Variants in OCA2 observed in about 807,000 individuals in gnomAD.
OCA2 encodes the protein OCA2 melanosomal transmembrane protein.
In OCA2, 77 loss-of-function variants were observed where a neutral mutation model predicts 100.2. The ratio of observed to expected loss-of-function variants is 0.77; its 90% CI spans 0.64 to 0.93. The LOEUF (loss-of-function observed/expected upper bound fraction) is 0.93, where lower values mean the gene tolerates loss of function less well. OCA2 is among the 40% of genes least tolerant of loss of function. The pLI, the probability that OCA2 is intolerant of heterozygous loss-of-function variation, is 0.00. For missense variants in OCA2, 1,062 were observed against 1,089.1 expected, an observed-to-expected ratio of 0.98 and a Z score of 0.35; for synonymous variants, 432 against 439.2, an observed-to-expected ratio of 0.98 and a Z score of 0.21.
downstream of OCA2, among the ~76,000 whole-genome samples, chr15:27,754,404 G>A (rs574953884): frequency 6.6e-6 from 1 of 152,290 alleles, no homozygotes; most frequent in South Asian, 2.1e-4. Context: ...AATCACTTCG[G>A]AGCAGTGTCC....
intron 22 of OCA2, among the ~76,000 whole-genome samples, chr15:27,849,631 T>C (rs960232791): frequency 6.6e-6 from 1 of 151,978 alleles, no homozygotes; most frequent in Non-Finnish European, 1.5e-5. Flanking sequence ...AAAACTTCTA[T>C]TTAAAGTGTT....
intron 23 of OCA2, among the ~76,000 whole-genome samples, chr15:27,817,689 C>T (rs1253339648): frequency 6.6e-6 from 1 of 152,174 alleles, no homozygotes; most frequent in African/African-American, 2.4e-5. Context: ...TCATTTGGCG[C>T]CCTGTGATCA....
At chr15:27,991,170 G>T (rs2041544051) in intron 9 of OCA2, among the ~76,000 whole-genome samples, 2 of 152,200 alleles carry the variant, frequency 1.3e-5, no homozygotes, top group Admixed American at 1.3e-4. Flanking sequence ...GTGGAGAATT[G>T]GAGCCCTCAT....
At chr15:27,970,273 G>A (rs960508018) in intron 14 of OCA2, among the ~76,000 whole-genome samples, 3 of 146,834 alleles carry the variant, frequency 2.0e-5, no homozygotes, top group South Asian at 2.2e-4. Flanking sequence ...ATATTAAATA[G>A]GTGTGTGGAA....
At chr15:28,030,804 C>T (rs1044300848) in intron 3 of OCA2, among the ~76,000 whole-genome samples, 1 of 152,168 alleles carries the variant, frequency 6.6e-6, no homozygotes, top group Non-Finnish European at 1.5e-5. Context: ...AAAATCAAAG[C>T]TGTTGAAACT....
intron 2 of OCA2, among the ~76,000 whole-genome samples, chr15:28,041,145 T>C (rs138191239): frequency 3.9e-5 from 6 of 152,086 alleles, no homozygotes; most frequent in Admixed American, 1.3e-4. Context: ...CTCAGCAGCA[T>C]ATTAAAAGTA....
At chr15:27,955,253 C>T in intron 16 of OCA2, 38 bp from the exon 17 acceptor site, 1 of 1,487,718 alleles carries the variant, frequency 6.7e-7, no homozygotes. Flanking sequence ...CTTCCCTGGT[C>T]ACGCTGCGTG....
chr15:27,867,152 T>C (rs1348171194), intron 21 of OCA2, among the ~76,000 whole-genome samples: 1 of 152,238 alleles, frequency 6.6e-6, no homozygotes, highest in Non-Finnish European at 1.5e-5. Flanking sequence ...ATAGGTTCTG[T>C]TCACTGCAAC....
intron 18 of OCA2, chr15:27,950,539 G>A (rs773669688): frequency 1.4e-5 from 7 of 518,184 alleles, no homozygotes; most frequent in Non-Finnish European, 2.3e-5. Context: ...AATAATACCT[G>A]CCAGCTTGAA....
At chr15:27,999,385 G>T (rs1269394859) in intron 9 of OCA2, among the ~76,000 whole-genome samples, 1 of 152,144 alleles carries the variant, frequency 6.6e-6, no homozygotes, top group Non-Finnish European at 1.5e-5. Flanking sequence ...CTCAATGAAT[G>T]CAGAAAAGGC....
At chr15:27,927,583 C>T (rs1595663540) in intron 18 of OCA2, among the ~76,000 whole-genome samples, 4 of 151,700 alleles carry the variant, frequency 2.6e-5, no homozygotes, top group Admixed American at 6.5e-5. Context: ...AACATTTATG[C>T]TTTAGGAAAC....
chr15:28,070,324 C>A (rs1267810404), intron 2 of OCA2, among the ~76,000 whole-genome samples: 1 of 142,174 alleles, frequency 7.0e-6, no homozygotes, highest in Non-Finnish European at 1.5e-5. Flanking sequence ...GGGGGGTCAG[C>A]CCCCCGCCCG....
intron 2 of OCA2, among the ~76,000 whole-genome samples, chr15:28,049,147 A>G (rs551669617): frequency 6.6e-6 from 1 of 152,296 alleles, no homozygotes; most frequent in East Asian, 1.9e-4. Flanking sequence ...AATACAACCC[A>G]ATTTTTAAAT....
intron 23 of OCA2, among the ~76,000 whole-genome samples, chr15:27,813,224 C>T (rs953016005): frequency 6.6e-6 from 1 of 152,146 alleles, no homozygotes; most frequent in Non-Finnish European, 1.5e-5. Flanking sequence ...CACCCAGCTA[C>T]TCCACATCAG....
chr15:27,983,282 T>C, intron 14 of OCA2, 63 bp downstream of exon 14: 1 of 1,601,484 alleles, frequency 6.2e-7, no homozygotes, highest in Non-Finnish European at 8.5e-7. Flanking sequence ...CCATGTGGGG[T>C]AGAGCTCTAA....
Position 28,022,557 on chromosome 15 carries a change from T to C in OCA2, c.590A>G (p.Tyr197Cys), listed in dbSNP as rs1377454425. Residue 197 changes from tyrosine to cysteine, a missense_variant, in exon 6 of 24, where the codon TAT becomes TGT. Coordinates refer to ENST00000354638, the MANE Select transcript of OCA2 (RefSeq NM_000275.3). ...VVLCSILFSL[Y>C]PDQGKLWQLL... is the part of the protein sequence containing the mutation. ...CTGCCAGAGCTTTCCTTGATCCGGA[T>C]ATAGGCTGAACAAAATCTGTAACAA... 6.2e-7 allele frequency: 1 copy of C among 1,613,656 alleles called. No homozygotes were observed. Among genetic ancestry groups the C allele is most frequent in the African/African-American group, 1.3e-5 (1 of 74,914 alleles).
intron 19 of OCA2, among the ~76,000 whole-genome samples, chr15:27,875,646 C>T (rs1304409999): frequency 6.6e-6 from 1 of 152,046 alleles, no homozygotes; most frequent in Admixed American, 6.5e-5. Flanking sequence ...TATGGACAGA[C>T]TATATCTCTT....
In OCA2 at chr15:27,957,826, A is replaced by T; in HGVS notation, c.1637-91T>A. ...GTTCCCCACACAGTCGATGCCTGAC[A>T]GAGCAGACACACACTCGAGACGTGC... On this transcript the variant is annotated intron_variant, in intron 15 of 23. Coordinates refer to ENST00000354638, the MANE Select transcript of OCA2 (RefSeq NM_000275.3). The surrounding 1 kb of genome is among the most constrained non-coding windows in gnomAD (Gnocchi z 4.3). 6.7e-7 allele frequency: 1 copy of T among 1,482,986 alleles called. No individual in the cohort carries two copies. Among genetic ancestry groups the T allele is most frequent in the Non-Finnish European group, 9.3e-7 (1 of 1,073,060 alleles). The allele number at this position is 1,482,986 out of a possible 1,614,324, so 91.9% of individuals were successfully genotyped here. A position where few individuals can be genotyped will look rare whatever the true frequency, so the allele number is the denominator to read the frequency against.
chr15:27,746,480 A>G, the OCA2 span, among the ~76,000 whole-genome samples: 1 of 151,878 alleles, frequency 6.6e-6, no homozygotes, highest in African/African-American at 2.4e-5. Flanking sequence ...ATAAATAAAT[A>G]AATAAATAAA....
Sources: allele counts gnomAD v4.1 joint callset (sites outside exome capture counted in the v4.1 genomes callset), GRCh38; gene constraint gnomAD v4.1.1; non-coding constraint Gnocchi (gnomAD v3.1); transcripts MANE v1.5; gene names NCBI Gene and HGNC (gene_info 2026-07-23, HGNC 2026-07-21).